Variants in CT55 observed in about 807,000 individuals in gnomAD.
CT55 encodes the protein BRCA2-interacting protein.
CT55 carries 1 observed loss-of-function variant against 12.6 expected under a neutral mutation model. The ratio of observed to expected loss-of-function variants is 0.08; its 90% CI spans 0.03 to 0.38. The LOEUF (loss-of-function observed/expected upper bound fraction) is 0.38, where lower values mean the gene tolerates loss of function less well. Among genes scored for constraint, CT55 ranks in the 10% least tolerant of loss-of-function variants. The probability of loss-of-function intolerance (pLI) is 0.99; values close to 1 mark genes in which losing one functional copy is unlikely to be tolerated. For synonymous variants in CT55, 43 were observed against 49.7 expected (o/e 0.87, Z 0.57); for missense variants, 109 against 135.4 (o/e 0.80, Z 0.97).
intron 2 of CT55, among the ~76,000 whole-genome samples, chrX:135,168,976 T>C (rs1223509967): frequency 8.9e-6 from 1 of 112,384 alleles, no homozygotes; most frequent in Non-Finnish European, 1.9e-5. Flanking sequence ...TCCTTTCTCA[T>C]ATGTGCAAAG....
chrX:135,163,950 T>C (rs1305447682), intron 2 of CT55, among the ~76,000 whole-genome samples: 2 of 111,462 alleles, frequency 1.8e-5, no homozygotes, highest in African/African-American at 6.5e-5. Flanking sequence ...AAGAATAATG[T>C]ACCCAGCAGT....
intron 3 of CT55, among the ~76,000 whole-genome samples, chrX:135,159,118 A>G (rs2083550522): frequency 9.0e-6 from 1 of 111,586 alleles, no homozygotes; most frequent in Admixed American, 9.5e-5. Context: ...AATTGCCACA[A>G]TGAAAACTAG....
chrX:135,171,221 A>C lies in CT55; in HGVS notation c.-50T>G. 1.7e-6 allele frequency: 2 copies of C among 1,205,476 alleles called. No individual in the cohort carries two copies. The highest frequency in any genetic ancestry group is 1.8e-5 in the South Asian group (1 of 55,733). ...GGGCACCGCTTGTGGCAGATGAAGC[A>C]CGAGGCCTCCTCAGTAAGGGAAGCC... On this transcript the variant is annotated 5_prime_UTR_variant, in exon 1 of 6. Transcript: ENST00000276241.
intron 1 of CT55, among the ~76,000 whole-genome samples, 191 bp from the exon 2 acceptor site, chrX:135,169,969 TTTTAAAAATTTATTAAAA>T (rs1486126354): frequency 1.5e-4 from 17 of 111,975 alleles, no homozygotes; most frequent in Non-Finnish European, 2.4e-4. Flanking sequence ...TTTAAAATAT[TTTTAAAAATTTATTAAAA>T]TTTAAAAATT....
intron 2 of CT55, among the ~76,000 whole-genome samples, chrX:135,165,463 C>G (rs782313353): frequency 4.5e-5 from 5 of 111,363 alleles, no homozygotes; most frequent in Admixed American, 9.6e-5. Context: ...ATCAATAAAA[C>G]CTACCTCAAA....
intron 1 of CT55, 88 bp downstream of exon 1, chrX:135,170,990 G>A: frequency 6.9e-6 from 8 of 1,161,417 alleles, no homozygotes; most frequent in Non-Finnish European, 9.2e-6. Flanking sequence ...GTACCCACCC[G>A]AGTTACAACA....
chrX:135,158,121 A>G (rs1556404423), intron 4 of CT55, 78 bp downstream of exon 4: 3 of 595,559 alleles, frequency 5.0e-6, no homozygotes, highest in Admixed American at 5.1e-5. Context: ...TATACCCAAC[A>G]GAATCCTGGT....
chrX:135,171,205 T>C lies in CT55; in HGVS notation c.-34A>G, dbSNP rs1351995940. Reference sequence around the variant, plus strand: ...TTGTCACCACCGGCCTGGGCACCGCTTGTGGCAGATGAAGCACGAGGCCTC... The same window carrying C: ...TTGTCACCACCGGCCTGGGCACCGCCTGTGGCAGATGAAGCACGAGGCCTC... On this transcript the variant is annotated 5_prime_UTR_variant, in exon 1 of 6. Transcript: ENST00000276241. 1.1e-5 allele frequency: 13 copies of C among 1,206,775 alleles called. No homozygotes were observed. Among genetic ancestry groups the C allele is most frequent in the Non-Finnish European group, 1.5e-5 (13 of 893,267 alleles).
chrX:135,169,551 C>G, intron 2 of CT55, 43 bp downstream of exon 2: 1 of 1,041,149 alleles, frequency 9.6e-7, no homozygotes. Context: ...GAAAGAAAGC[C>G]CACTGGGATA....
Position 135,171,327 on chromosome X carries a change from C to A in CT55, c.-156G>T. The A allele has an allele frequency of 9.9e-7, 1 of 1,014,116 alleles. No homozygotes were observed. The highest frequency in any genetic ancestry group is 1.3e-6 in the Non-Finnish European group (1 of 769,756). 83.6% of individuals were successfully genotyped at this position (1,014,116 alleles called of 1,213,427 possible). A position where few individuals can be genotyped will look rare whatever the true frequency, so the allele number is the denominator to read the frequency against. On this transcript the variant is annotated 5_prime_UTR_variant, in exon 1 of 6. Coordinates refer to ENST00000276241, the MANE Select transcript of CT55 (RefSeq NM_001031705.3). The stretch of plus-strand genomic sequence containing the variant: ...GGCATGGGACCCACCCGTTAGTGAG[C>A]CCCCCTCAGGAGAGTCAGGGACACC...
chrX:135,170,221 G>T (rs2083605052), intron 1 of CT55, among the ~76,000 whole-genome samples: 1 of 111,096 alleles, frequency 9.0e-6, no homozygotes, highest in Admixed American at 9.5e-5. Context: ...TGCCCAGGCT[G>T]GTCTCCAGCT....
intron 4 of CT55, 65 bp downstream of exon 4, chrX:135,158,134 C>G (rs782683705): frequency 6.1e-6 from 4 of 657,818 alleles, no homozygotes; most frequent in Non-Finnish European, 9.8e-6. Context: ...ATCCTGGTCA[C>G]GTAAATTATC....
At chrX:135,161,072 A>T (rs1435214108) in intron 2 of CT55, among the ~76,000 whole-genome samples, 3 of 109,641 alleles carry the variant, frequency 2.7e-5, no homozygotes, top group Admixed American at 2.0e-4. Context: ...AGAAGTTAGG[A>T]GCCTAGGGAG....
chrX:135,163,707 C>A (rs2083571724), intron 2 of CT55, among the ~76,000 whole-genome samples: 1 of 111,353 alleles, frequency 9.0e-6, no homozygotes, highest in Non-Finnish European at 1.9e-5. Context: ...ACTGGAAGAC[C>A]AAAGTTCTGC....
chrX:135,158,201 C>T lies in CT55; in HGVS notation c.535G>A (p.Glu179Lys), dbSNP rs1556404448. Residue 179 changes from glutamate (E) to lysine (K), a missense_variant and splice_region_variant, in exon 4 of 6, where the codon GAG becomes AAG. Transcript: ENST00000276241. Reference protein sequence around the residue: ...VKPIRCIHTEEVCITSVHGRN... With the variant: ...VKPIRCIHTEKVCITSVHGRN... ...GGGAGCAACAGGAAAGAAATTACCT[C>T]TTCCGTATGAATACAACGGATGGGC... 1.7e-6 allele frequency: 2 copies of T among 1,172,201 alleles called. No homozygotes were observed. Among genetic ancestry groups the T allele is most frequent in the Non-Finnish European group, 2.3e-6 (2 of 859,882 alleles).
chrX:135,161,829 A>T (rs782228924), intron 2 of CT55, among the ~76,000 whole-genome samples: 14 of 112,554 alleles, frequency 1.2e-4, no homozygotes, highest in African/African-American at 2.9e-4. Context: ...GATGTTTATT[A>T]TCCCCTCACT....
intron 3 of CT55, among the ~76,000 whole-genome samples, chrX:135,160,147 A>G (rs1456794682): frequency 8.9e-6 from 1 of 112,014 alleles, no homozygotes; most frequent in African/African-American, 3.2e-5. Flanking sequence ...TTTCTTGATT[A>G]GAAATTAAAT....
chrX:135,168,425 T>C (rs1417509992), intron 2 of CT55, among the ~76,000 whole-genome samples: 2 of 111,880 alleles, frequency 1.8e-5, no homozygotes, highest in African/African-American at 6.5e-5. Context: ...GAATGGTGGT[T>C]ACCAGACGCT....
At chrX:135,162,149 G>C (rs1454149898) in intron 2 of CT55, among the ~76,000 whole-genome samples, 1 of 112,821 alleles carries the variant, frequency 8.9e-6, no homozygotes, top group Admixed American at 9.3e-5. Context: ...TTAATGTTGA[G>C]GGACAACTGA....
Sources: allele counts gnomAD v4.1 joint callset (sites outside exome capture counted in the v4.1 genomes callset), GRCh38; gene constraint gnomAD v4.1.1; transcripts MANE v1.5; gene names NCBI Gene and HGNC (gene_info 2026-07-23, HGNC 2026-07-21).